C7orf78: variants seen among roughly 807,000 people sequenced by gnomAD.
C7orf78 encodes the protein chromosome 7 open reading frame 78.
At chr7:12,529,439 A>G in the C7orf78 span, among the ~76,000 whole-genome samples, 4 of 152,176 alleles carry the variant, frequency 2.6e-5, no homozygotes, top group African/African-American at 9.7e-5. Flanking sequence ...AGTAATAGCT[A>G]TAGGGAATAC....
chr7:12,494,059 C>T, the C7orf78 span, among the ~76,000 whole-genome samples: 1 of 152,212 alleles, frequency 6.6e-6, no homozygotes, highest in South Asian at 2.1e-4. Flanking sequence ...TTTTGGAATG[C>T]TGTAAAAGGC....
the C7orf78 span, among the ~76,000 whole-genome samples, chr7:12,502,554 A>C: frequency 4.0e-5 from 6 of 149,910 alleles, no homozygotes; most frequent in Non-Finnish European, 9.0e-5. Flanking sequence ...CACCAGTTAG[A>C]ATGGCAATCA....
At chr7:12,511,366 G>A in the C7orf78 span, among the ~76,000 whole-genome samples, 1 of 151,924 alleles carries the variant, frequency 6.6e-6, no homozygotes, top group Non-Finnish European at 1.5e-5. Context: ...TGGCAATTTG[G>A]GATCTTTTAT....
chr7:12,530,873 C>G, the C7orf78 span: 1 of 392,050 alleles, frequency 2.6e-6, no homozygotes, highest in African/African-American at 2.1e-5. Context: ...CCCTTTATGT[C>G]TAAGCAGAAC....
the C7orf78 span, among the ~76,000 whole-genome samples, chr7:12,523,880 G>C: frequency 2.0e-5 from 3 of 152,018 alleles, no homozygotes; most frequent in Non-Finnish European, 4.4e-5. Flanking sequence ...ATAATATATG[G>C]GCAATAATTA....
the C7orf78 span, among the ~76,000 whole-genome samples, chr7:12,505,803 C>G: frequency 1.3e-5 from 2 of 151,982 alleles, no homozygotes; most frequent in Non-Finnish European, 2.9e-5. Context: ...TTCAGTTATT[C>G]AAGTAGTTCT....
At chr7:12,540,773 C>T in the C7orf78 span, 1 of 152,160 alleles carries the variant, frequency 6.6e-6, no homozygotes, top group African/African-American at 2.4e-5. Flanking sequence ...TTAGTTATTT[C>T]TGTAGTGAAT....
the C7orf78 span, among the ~76,000 whole-genome samples, chr7:12,516,997 G>T: frequency 6.6e-6 from 1 of 152,154 alleles, no homozygotes; most frequent in African/African-American, 2.4e-5. Flanking sequence ...TTGGGAGATT[G>T]TTGGGAAGGC....
chr7:12,504,333 C>A, the C7orf78 span: 3 of 152,230 alleles, frequency 2.0e-5, no homozygotes, highest in Middle Eastern at 3.4e-3. Context: ...CAACCAGAGG[C>A]CCTAGTTTTA....
At chr7:12,511,809 T>A in the C7orf78 span, among the ~76,000 whole-genome samples, 1 of 151,960 alleles carries the variant, frequency 6.6e-6, no homozygotes, top group South Asian at 2.1e-4. Context: ...TGGAGTGCAG[T>A]GGCACGATCT....
At chr7:12,533,733 G>A in the C7orf78 span, among the ~76,000 whole-genome samples, 6 of 151,934 alleles carry the variant, frequency 3.9e-5, no homozygotes, top group East Asian at 3.9e-4. Flanking sequence ...AGCCAGGATG[G>A]TCTCGATCTC....
chr7:12,530,751 G>A, the C7orf78 span, among the ~76,000 whole-genome samples: 90,269 of 152,016 alleles, frequency 0.59, 27,601 homozygotes, highest in African/African-American at 0.74. Context: ...AGTTTAGTGA[G>A]TGACACTCAT....
the C7orf78 span, among the ~76,000 whole-genome samples, chr7:12,490,798 G>A: frequency 6.6e-6 from 1 of 151,898 alleles, no homozygotes; most frequent in Non-Finnish European, 1.5e-5. Context: ...GAGCAAGAGT[G>A]AGAATGGAAT....
At chr7:12,499,342 G>A in the C7orf78 span, among the ~76,000 whole-genome samples, 255 of 152,168 alleles carry the variant, frequency 1.7e-3, 1 homozygote, top group African/African-American at 5.6e-3. Context: ...GCACACTCAC[G>A]TGCAGAGACA....
the C7orf78 span, among the ~76,000 whole-genome samples, chr7:12,513,938 T>C: frequency 6.6e-6 from 1 of 152,190 alleles, no homozygotes; most frequent in East Asian, 1.9e-4. Context: ...AGGCGGAGCT[T>C]GCAGTGAGCT....
the C7orf78 span, among the ~76,000 whole-genome samples, chr7:12,490,645 C>T: frequency 2.0e-5 from 3 of 152,020 alleles, no homozygotes; most frequent in South Asian, 6.2e-4. Flanking sequence ...ATCTTTGAGA[C>T]TGGATATTTG....
At chr7:12,509,738 G>A in the C7orf78 span, among the ~76,000 whole-genome samples, 10 of 152,044 alleles carry the variant, frequency 6.6e-5, no homozygotes, top group South Asian at 2.1e-4. Context: ...TTCTGTGGCC[G>A]GCTTATTTTG....
At chr7:12,498,775 A>T in the C7orf78 span, among the ~76,000 whole-genome samples, 186 of 149,362 alleles carry the variant, frequency 1.2e-3, 1 homozygote, top group African/African-American at 4.3e-3. Flanking sequence ...TCCAAGACAC[A>T]TAATTGTCAG....
chr7:12,535,010 G>GGAAGGAAC, the C7orf78 span, among the ~76,000 whole-genome samples: 44 of 150,326 alleles, frequency 2.9e-4, no homozygotes, highest in South Asian at 4.4e-3. Flanking sequence ...AAGGAAGGAA[G>GGAAGGAAC]GAAGGAAGGA....
Sources: gnomAD v4.1 joint callset for allele counts (sites outside exome capture counted in the v4.1 genomes callset) on GRCh38, gnomAD v4.1.1 for gene constraint, MANE v1.5 for transcripts, NCBI Gene and HGNC (gene_info 2026-07-23, HGNC 2026-07-21) for gene names.